The following PLPBP variants were observed in gnomAD, a reference collection of about 807,000 sequenced individuals.
PLPBP encodes pyridoxal phosphate binding protein.
A neutral mutation model predicts 31.2 loss-of-function variants in PLPBP; 21 were observed. That is an observed-to-expected ratio of 0.67 (90% CI 0.48 to 0.97). The LOEUF is 0.97. Among genes scored for constraint, PLPBP ranks in the 50% least tolerant of loss-of-function variants. The pLI, the probability that PLPBP is intolerant of heterozygous loss-of-function variation, is 0.00. For missense variants in PLPBP, 308 were observed against 354.4 expected, an observed-to-expected ratio of 0.87 and a Z score of 1.05; for synonymous variants, 124 against 135.6, an observed-to-expected ratio of 0.91 and a Z score of 0.59.
chr8:37,776,349 G>T (rs1246734071), intron 7 of PLPBP, among the ~76,000 whole-genome samples: 8 of 151,684 alleles, frequency 5.3e-5, no homozygotes, highest in Admixed American at 5.2e-4. Context: ...GGTGGCGCAC[G>T]CCTGTAATCC....
intron 1 of PLPBP, among the ~76,000 whole-genome samples, chr8:37,764,071 C>CTTTTTTTTTTT (rs111913973): frequency 1.6e-5 from 2 of 126,898 alleles, no homozygotes; most frequent in African/African-American, 2.9e-5. Flanking sequence ...TCTTTTCTTT[C>CTTTTTTTTTTT]TTTTTTTTTT....
At chr8:37,777,897 G>T (rs951210801) in intron 7 of PLPBP, 76 bp from the exon 8 acceptor site, 1 of 1,492,970 alleles carries the variant, frequency 6.7e-7, no homozygotes, top group Admixed American at 1.8e-5. Flanking sequence ...GAGCCAGAAT[G>T]GGGGCACAGC....
At chr8:37,774,081 T>C (rs1803842493) in intron 5 of PLPBP, among the ~76,000 whole-genome samples, 1 of 151,998 alleles carries the variant, frequency 6.6e-6, no homozygotes, top group South Asian at 2.1e-4. Flanking sequence ...CATGATGGTG[T>C]GCACCCATAG....
intron 4 of PLPBP, 135 bp from the exon 5 acceptor site, chr8:37,772,620 T>G: frequency 9.4e-7 from 1 of 1,059,170 alleles, no homozygotes; most frequent in Admixed American, 2.3e-5. Flanking sequence ...ATTTGTCTTC[T>G]CAGAGGAACT....
At chr8:37,772,641 T>C (rs556455641) in intron 4 of PLPBP, 114 bp from the exon 5 acceptor site, 13 of 1,264,340 alleles carry the variant, frequency 1.0e-5, no homozygotes, top group African/African-American at 1.5e-5. Flanking sequence ...GAGATTTAAC[T>C]GTGTTTTTCT....
At chr8:37,773,852 T>C (rs1803838652) in intron 5 of PLPBP, among the ~76,000 whole-genome samples, 2 of 152,086 alleles carry the variant, frequency 1.3e-5, no homozygotes, top group Admixed American at 1.3e-4. Context: ...GACCTAAGAT[T>C]ATATAAATAC....
At chr8:37,772,377 GCAT>G (rs1803793877) in intron 4 of PLPBP, among the ~76,000 whole-genome samples, 1 of 152,220 alleles carries the variant, frequency 6.6e-6, no homozygotes, top group African/African-American at 2.4e-5. Context: ...TGCTAGGGAA[GCAT>G]CTTGGCTTCC....
intron 4 of PLPBP, among the ~76,000 whole-genome samples, chr8:37,768,758 C>A (rs572756018): frequency 1.5e-4 from 23 of 152,152 alleles, no homozygotes; most frequent in African/African-American, 5.1e-4. Flanking sequence ...CAGGCGTGAG[C>A]CACCACGCCC....
Position 37,778,226 on chromosome 8 carries a change from T to C in PLPBP, c.*122T>C. ...GGAGAGCACTAATGATCACGTGTGTTGATGGAAACCATCTGTGCTTAGTCT... is the reference window on the plus strand; with the variant it reads ...GGAGAGCACTAATGATCACGTGTGTCGATGGAAACCATCTGTGCTTAGTCT... On this transcript the variant is annotated 3_prime_UTR_variant, in exon 8 of 8. Transcript: ENST00000328195. 1 of 1,239,796 alleles carries C rather than the reference T, an allele frequency of 8.1e-7. No individual in the cohort carries two copies. Among genetic ancestry groups the C allele is most frequent in the Non-Finnish European group, 1.1e-6 (1 of 906,816 alleles). The allele number at this position is 1,239,796 out of a possible 1,614,324, so 76.8% of individuals were successfully genotyped here.
intron 5 of PLPBP, among the ~76,000 whole-genome samples, chr8:37,774,436 T>TA (rs2129806423): frequency 6.6e-6 from 1 of 152,332 alleles, no homozygotes; most frequent in African/African-American, 2.4e-5. Context: ...TGAGAATGCT[T>TA]ACTTCAGAGG....
chr8:37,775,613 G>C, intron 6 of PLPBP, 132 bp downstream of exon 6: 4 of 1,357,866 alleles, frequency 2.9e-6, no homozygotes, highest in Non-Finnish European at 4.0e-6. Context: ...GCCCTCTTTT[G>C]AACTCTTCTC....
At chr8:37,765,844 G>C in intron 3 of PLPBP, 98 bp downstream of exon 3, 2 of 1,358,900 alleles carry the variant, frequency 1.5e-6, no homozygotes, top group Non-Finnish European at 2.0e-6. Flanking sequence ...AGCAGTTTTA[G>C]GGTGGTTGAC....
Position 37,762,669 on chromosome 8 carries a change from G to C in PLPBP, c.10G>C (p.Ala4Pro), listed in dbSNP as rs1283368940. 1.3e-6 allele frequency: 2 copies of C among 1,583,618 alleles called. No homozygotes were observed. Among genetic ancestry groups the C allele is most frequent in the South Asian group, 1.1e-5 (1 of 87,184 alleles). MWR[A>P]GSMSAELGVG... is the part of the protein sequence containing the mutation. Reference sequence around the variant, plus strand: ...CGTCGGTCCCCGGGGGATGTGGAGAGCTGGCAGCATGTCGGCCGAGCTGGG... The same window carrying C: ...CGTCGGTCCCCGGGGGATGTGGAGACCTGGCAGCATGTCGGCCGAGCTGGG... Residue 4 changes from alanine to proline, a missense_variant, in exon 1 of 8, where the codon GCT (alanine) becomes CCT (proline). Around this residue, in one of 2 missense-constraint regions of PLPBP, gnomAD observed 120 missense variants for 95.1 expected, o/e 1.26. Transcript: ENST00000328195.
intron 4 of PLPBP, among the ~76,000 whole-genome samples, chr8:37,768,528 A>C (rs986537824): frequency 2.4e-5 from 3 of 127,444 alleles, no homozygotes; most frequent in African/African-American, 9.3e-5. Flanking sequence ...GCTGGAGTGC[A>C]GTGGTGCGAT....
At chr8:37,765,268 C>G (rs1161488749) in intron 1 of PLPBP, among the ~76,000 whole-genome samples, 1 of 152,252 alleles carries the variant, frequency 6.6e-6, no homozygotes, top group African/African-American at 2.4e-5. Context: ...TTGCCCGGCT[C>G]TCCTGAGAGA....
In PLPBP at chr8:37,762,686, C is replaced by T. The variant is rs757293635; in HGVS notation, c.27C>T (p.Ala9=). Residue 9 remains alanine, a synonymous_variant, in exon 1 of 8, where the codon GCC becomes GCT. Transcript: ENST00000328195. MWRAGSMS[A]ELGVGCALRA... ...TGTGGAGAGCTGGCAGCATGTCGGC[C>T]GAGCTGGGAGTCGGGTGCGCATTGC... 1 of 1,589,604 alleles carries T rather than the reference C, an allele frequency of 6.3e-7. No homozygotes were observed. The highest frequency in any genetic ancestry group is 8.5e-7 in the Non-Finnish European group (1 of 1,171,772).
chr8:37,772,895 T>C lies in PLPBP; in HGVS notation c.454+6T>C. The C allele has an allele frequency of 6.2e-7, 1 of 1,614,106 alleles. No homozygotes were observed. Among genetic ancestry groups the C allele is most frequent in the South Asian group, 1.1e-5 (1 of 91,080 alleles). On this transcript the variant is annotated splice_donor_region_variant and intron_variant, in intron 5 of 7. Transcript: ENST00000328195. The stretch of plus-strand genomic sequence containing the variant: ...TAACACCAGCGGAGAAGAGAGTAAG[T>C]AACCAGACCTGAATTGTAGATTTTT...
chr8:37,777,014 A>C (rs1357395926), intron 7 of PLPBP, among the ~76,000 whole-genome samples: 1 of 152,116 alleles, frequency 6.6e-6, no homozygotes, highest in African/African-American at 2.4e-5. Context: ...TAATCCACCC[A>C]CCTAGGCCTC....
At chr8:37,764,839 A>G (rs1803579171) in intron 1 of PLPBP, among the ~76,000 whole-genome samples, 1 of 152,192 alleles carries the variant, frequency 6.6e-6, no homozygotes, top group African/African-American at 2.4e-5. Flanking sequence ...AGCCTCCAAC[A>G]TTAGTATGTC....
Sources: allele counts gnomAD v4.1 joint callset (sites outside exome capture counted in the v4.1 genomes callset), GRCh38; gene constraint gnomAD v4.1.1; regional missense constraint gnomAD v4.1.1; transcripts MANE v1.5; gene names NCBI Gene and HGNC (gene_info 2026-07-23, HGNC 2026-07-21).